The following HEXD variants were observed in gnomAD, a reference collection of about 807,000 sequenced individuals.
HEXD encodes the protein hexosaminidase D.
Under a neutral mutation model 54.2 loss-of-function variants are expected in HEXD, and 47 were observed. The ratio of observed to expected loss-of-function variants is 0.87; its 90% CI spans 0.69 to 1.11. The LOEUF (loss-of-function observed/expected upper bound fraction) is 1.11. Ranked by LOEUF, HEXD falls within the 50% of genes least tolerant of loss-of-function variation. HEXD has a pLI of 0.00. For synonymous variants in HEXD, 293 were observed against 287.6 expected, an observed-to-expected ratio of 1.02 and a Z score of -0.19; for missense variants, 576 against 649.2, an observed-to-expected ratio of 0.89 and a Z score of 1.23.
In HEXD at chr17:82,418,633, C is replaced by T. The variant is rs930005811; in HGVS notation, c.-159C>T. Reference sequence around the variant, plus strand: ...CCCTGGGCTGGCGGCCAGGCCCGAGCAATCGGCGGCCGAGCGGGGCGGGGC... The same window carrying T: ...CCCTGGGCTGGCGGCCAGGCCCGAGTAATCGGCGGCCGAGCGGGGCGGGGC... On this transcript the variant is annotated 5_prime_UTR_variant, in exon 1 of 13. Coordinates refer to ENST00000327949, the MANE Select transcript of HEXD (RefSeq NM_001330542.2). The T allele has an allele frequency of 3.6e-6, 1 of 280,966 alleles. No individual in the cohort carries two copies. The highest frequency in any genetic ancestry group is 6.2e-6 in the Non-Finnish European group (1 of 162,454). 17.4% of individuals were successfully genotyped at this position (280,966 alleles called of 1,614,324 possible). A position where few individuals can be genotyped will look rare whatever the true frequency, so the allele number is the denominator to read the frequency against.
chr17:82,431,372 G>C (rs540718046), intron 4 of HEXD, among the ~76,000 whole-genome samples: 27 of 151,396 alleles, frequency 1.8e-4, no homozygotes, highest in Non-Finnish European at 2.8e-4. Context: ...ATGTTGCTGG[G>C]CTGGTCTCAA....
At position 82,433,638 on chromosome 17, in the gene HEXD, A is replaced by G. The variant is rs1463708761; in HGVS notation, c.283-20A>G. The G allele has an allele frequency of 2.6e-6, 4 of 1,534,398 alleles. No homozygotes were observed. The South Asian group carries it at 5.0e-5, about 19-fold the overall frequency. On this transcript the variant is annotated intron_variant, in intron 4 of 12. Coordinates refer to ENST00000327949, the MANE Select transcript of HEXD (RefSeq NM_001330542.2). ...TCCAGCTCCTCCGCCCCCAACGCGA[A>G]CTTCTCTGTCTCTCCGCAGTTTGTG... is the stretch of plus-strand genomic sequence containing the variant.
Position 82,437,347 on chromosome 17 carries a change from C to G in HEXD, c.883C>G (p.Leu295Val), listed in dbSNP as rs1341491917. ...GPTDSLQGIILTGWQRYDHYS... is the reference protein window; with the variant it reads ...GPTDSLQGIIVTGWQRYDHYS... Reference sequence around the variant, plus strand: ...CACGGACTCACTGCAGGGCATCATCCTGACCGGCTGGCAGAGGTAAGTCCT... The same window carrying G: ...CACGGACTCACTGCAGGGCATCATCGTGACCGGCTGGCAGAGGTAAGTCCT... Residue 295 changes from leucine to valine, a missense_variant, in exon 8 of 13, where the codon CTG becomes GTG. Transcript: ENST00000327949. 1.9e-6 allele frequency: 3 copies of G among 1,602,332 alleles called. No individual in the cohort carries two copies. The highest frequency in any genetic ancestry group is 2.6e-6 in the Non-Finnish European group (3 of 1,174,244).
intron 4 of HEXD, among the ~76,000 whole-genome samples, chr17:82,430,726 G>A (rs2053552762): frequency 6.6e-6 from 1 of 151,950 alleles, no homozygotes; most frequent in Admixed American, 6.6e-5. Flanking sequence ...TAACTGCTCA[G>A]GTGTTTTGCC....
chr17:82,421,034 CAG>C (rs1370066240), intron 2 of HEXD, among the ~76,000 whole-genome samples: 2 of 151,978 alleles, frequency 1.3e-5, no homozygotes, highest in Non-Finnish European at 2.9e-5. Flanking sequence ...CAGGAGGTAA[CAG>C]AGGAAAGAGG....
chr17:82,436,818 C>T (rs1022891793), intron 7 of HEXD, 80 bp downstream of exon 7: 25 of 1,324,130 alleles, frequency 1.9e-5, no homozygotes, highest in East Asian at 4.9e-5. Context: ...ACCCTGCAGC[C>T]GGAACTGCCC....
Position 82,439,712 on chromosome 17 carries a change from C to A in HEXD, c.981C>A (p.Arg327=), listed in dbSNP as rs147571415. 11 of 1,600,026 alleles carry A rather than the reference C, an allele frequency of 6.9e-6. No individual in the cohort carries two copies. The highest frequency in any genetic ancestry group is 4.0e-5 in the African/African-American group (3 of 75,028). Reference sequence around the variant, plus strand: ...CCGCCTGCCTGCAGTTGCTTCTACGCGGTATGTCTGGTCTGGCCACCCCAA... The same window carrying A: ...CCGCCTGCCTGCAGTTGCTTCTACGAGGTATGTCTGGTCTGGCCACCCCAA... The part of the protein sequence containing the change: ...SLAACLQLLL[R]GGFDEDVKAK... Residue 327 remains arginine (R), a splice_region_variant and synonymous_variant, in exon 9 of 13, where the codon CGC becomes CGA. Transcript: ENST00000327949.
At position 82,440,949 on chromosome 17, in the gene HEXD, C is replaced by T. The variant is rs372601254; in HGVS notation, c.983-48C>T. The T allele has an allele frequency of 2.2e-5, 36 of 1,605,048 alleles. No homozygotes were observed. The African/African-American group carries it at 4.0e-4, about 18-fold the overall frequency. On this transcript the variant is annotated intron_variant, in intron 9 of 12. Coordinates refer to ENST00000327949, the MANE Select transcript of HEXD (RefSeq NM_001330542.2). The stretch of plus-strand genomic sequence containing the variant: ...CTGCAGGTCCCAATGTAGCCCCCTC[C>T]CCTCCTCCAGAGGCCCCTCCAACCG...
At chr17:82,433,869 T>C (rs998880456) in intron 5 of HEXD, 47 bp downstream of exon 5, 14 of 1,512,604 alleles carry the variant, frequency 9.3e-6, no homozygotes, top group Middle Eastern at 3.4e-4. Flanking sequence ...TCCCCTATCA[T>C]GGCTTGTCCT....
chr17:82,422,175 AAAAAAAG>A (rs917221368), intron 2 of HEXD, among the ~76,000 whole-genome samples: 1 of 151,382 alleles, frequency 6.6e-6, no homozygotes, highest in African/African-American at 2.4e-5. Context: ...TCAAAAAAAA[AAAAAAAG>A]AAAAAAGAAG....
chr17:82,438,775 G>T (rs889937085), intron 8 of HEXD, among the ~76,000 whole-genome samples: 1 of 152,242 alleles, frequency 6.6e-6, no homozygotes, highest in Non-Finnish European at 1.5e-5. Flanking sequence ...TGCTAGAGGG[G>T]CAGCTCACAG....
At chr17:82,435,035 C>G (rs775337153) in intron 5 of HEXD, among the ~76,000 whole-genome samples, 8 of 152,050 alleles carry the variant, frequency 5.3e-5, no homozygotes, top group Non-Finnish European at 1.2e-4. Context: ...ATCCCAGCTA[C>G]TCAGGAGACT....
At chr17:82,440,086 C>T (rs542343338) in intron 9 of HEXD, 65 of 1,299,182 alleles carry the variant, frequency 5.0e-5, no homozygotes, top group African/African-American at 6.0e-5. Flanking sequence ...TGGAAGGCCC[C>T]GCACCCTGGA....
At chr17:82,430,866 CTCTT>C (rs1295980455) in intron 4 of HEXD, among the ~76,000 whole-genome samples, 38 of 152,186 alleles carry the variant, frequency 2.5e-4, no homozygotes, top group African/African-American at 8.9e-4. Flanking sequence ...TTTCTAAAAA[CTCTT>C]TGTGATCACC....
intron 3 of HEXD, among the ~76,000 whole-genome samples, chr17:82,425,128 A>AGAGGAGGCTG (rs2053368504): frequency 8.1e-6 from 1 of 123,412 alleles, no homozygotes; most frequent in Non-Finnish European, 1.7e-5. Flanking sequence ...GGAGGAGGCC[A>AGAGGAGGCTG]GAGAAGGCTG....
intron 2 of HEXD, among the ~76,000 whole-genome samples, chr17:82,422,636 A>G (rs2053269148): frequency 6.6e-6 from 1 of 152,260 alleles, no homozygotes; most frequent in South Asian, 2.1e-4. Flanking sequence ...AAGTGAGTAG[A>G]CACCATGGAA....
chr17:82,419,732 T>C lies in HEXD; in HGVS notation c.-51-17T>C. 1 of 996,776 alleles carries C rather than the reference T, an allele frequency of 1.0e-6. No homozygotes were observed. Among genetic ancestry groups the C allele is most frequent in the Non-Finnish European group, 1.6e-6 (1 of 635,792 alleles). The allele number at this position is 996,776 out of a possible 1,614,324, so 61.7% of individuals were successfully genotyped here. A position where few individuals can be genotyped will look rare whatever the true frequency, so the allele number is the denominator to read the frequency against. On this transcript the variant is annotated splice_polypyrimidine_tract_variant and intron_variant, in intron 1 of 12. Transcript: ENST00000327949. ...AAGCTTCTGCCCCTGTTGATAACTC[T>C]TGATTTTCTCCACTAGGAAGAAGTC... is the stretch of plus-strand genomic sequence containing the variant.
At chr17:82,420,801 C>T (rs1362866183) in intron 2 of HEXD, among the ~76,000 whole-genome samples, 1 of 152,092 alleles carries the variant, frequency 6.6e-6, no homozygotes, top group Non-Finnish European at 1.5e-5. Flanking sequence ...CTGCTGACCT[C>T]GTGATCCACC....
chr17:82,439,574 C>G, intron 8 of HEXD, 57 bp from the exon 9 acceptor site: 1 of 1,501,098 alleles, frequency 6.7e-7, no homozygotes, highest in East Asian at 2.3e-5. Context: ...GTCAGGGCGC[C>G]TGCGTCAGGC....
Sources: allele counts gnomAD v4.1 joint callset (sites outside exome capture counted in the v4.1 genomes callset), GRCh38; gene constraint gnomAD v4.1.1; transcripts MANE v1.5; gene names NCBI Gene and HGNC (gene_info 2026-07-23, HGNC 2026-07-21).